Variants in DLG1 observed in about 807,000 individuals in gnomAD.
DLG1 encodes discs large MAGUK scaffold protein 1.
DLG1 carries 42 observed loss-of-function variants against 123.4 expected under a neutral mutation model. The observed-to-expected ratio is 0.34, with a 90% CI of 0.27 to 0.44. The LOEUF is 0.44. Among genes scored for constraint, DLG1 ranks in the 20% least tolerant of loss-of-function variants. The pLI is 1.00. For synonymous variants in DLG1, 317 were observed against 356.2 expected (o/e 0.89, Z 1.24); for missense variants, 942 against 1,082.6 (o/e 0.87, Z 1.82).
rs1347981674 is a variant in DLG1 at position 197,084,335 on chromosome 3, A to T, written c.1838+1245T>A. 2.7e-5 allele frequency among the ~76,000 whole-genome samples: 4 copies of T among 149,674 alleles called. No individual in the cohort carries two copies. In the East Asian group the frequency reaches 5.9e-4, roughly 22 times the overall value. Reference sequence around the variant, plus strand: ...TTTGTTGTTTTTTTTTTTTTGAGTCAGAGTCTTGCTCTGTCGCCGAGGCTG... The same window carrying T: ...TTTGTTGTTTTTTTTTTTTTGAGTCTGAGTCTTGCTCTGTCGCCGAGGCTG... On this transcript the variant is annotated intron_variant, in intron 16 of 24. Coordinates refer to ENST00000667157, the MANE Select transcript of DLG1 (RefSeq NM_001366207.1).
chr3:197,156,895 CATATGAT>C (rs1252700231), intron 5 of DLG1, among the ~76,000 whole-genome samples: 1 of 152,130 alleles, frequency 6.6e-6, no homozygotes, highest in Non-Finnish European at 1.5e-5. Context: ...AACAACCAGA[CATATGAT>C]AAGTAAGGAA....
chr3:197,051,022 C>T (rs536094006), intron 24 of DLG1, among the ~76,000 whole-genome samples: 9 of 152,166 alleles, frequency 5.9e-5, no homozygotes, highest in African/African-American at 1.7e-4. Context: ...TTTCTCTGGT[C>T]AAGTATGAAT....
At chr3:197,121,439 T>C (rs1038917829) in intron 11 of DLG1, among the ~76,000 whole-genome samples, 10 of 152,100 alleles carry the variant, frequency 6.6e-5, no homozygotes, top group African/African-American at 2.4e-4. Context: ...GGGAAAAGAC[T>C]GGTGTCCAAA....
intron 24 of DLG1, among the ~76,000 whole-genome samples, chr3:197,049,133 ACCCTGTAAC>A (rs1395455818): frequency 1.7e-3 from 2 of 1,176 alleles, no homozygotes; most frequent in Admixed American, 0.019. Flanking sequence ...AGCACGGCCA[ACCCTGTAAC>A]CCTGTCTCTA....
chr3:197,061,290 TAAAC>T (rs1252233497), intron 22 of DLG1, among the ~76,000 whole-genome samples: 1 of 152,364 alleles, frequency 6.6e-6, no homozygotes, highest in African/African-American at 2.4e-5. Flanking sequence ...CATGATCGCT[TAAAC>T]ATTTTAATAA....
At position 197,065,582 on chromosome 3, in the gene DLG1, G is replaced by C. The variant is rs149155369; in HGVS notation, c.2200+126C>G. On this transcript the variant is annotated intron_variant, in intron 21 of 24. Coordinates refer to ENST00000667157, the MANE Select transcript of DLG1 (RefSeq NM_001366207.1). Reference sequence around the variant, plus strand: ...AAATCTGAGAAAGGACAATAATATGGAGGATGGAAGAGTAACTGATAAAAT... The same window carrying C: ...AAATCTGAGAAAGGACAATAATATGCAGGATGGAAGAGTAACTGATAAAAT... 6.3e-4 allele frequency: 618 copies of C among 982,434 alleles called. 4 individuals are homozygous for C. The African/African-American group carries it at 9.3e-3, about 15-fold the overall frequency. 60.9% of individuals were successfully genotyped at this position (982,434 alleles called of 1,614,324 possible).
intron 4 of DLG1, among the ~76,000 whole-genome samples, chr3:197,197,671 G>A (rs752302761): frequency 3.9e-5 from 6 of 152,302 alleles, no homozygotes; most frequent in East Asian, 1.9e-4. Context: ...ACGGAATTGC[G>A]AGGAACACAG....
At chr3:197,098,746 G>A (rs1761977198) in intron 14 of DLG1, among the ~76,000 whole-genome samples, 1 of 152,100 alleles carries the variant, frequency 6.6e-6, no homozygotes, top group Non-Finnish European at 1.5e-5. Context: ...TGGCCAGGCT[G>A]GTCTTGAACT....
chr3:197,044,836 C>T lies in DLG1; in HGVS notation c.2576-107G>A, dbSNP rs565270146. 1.2e-5 allele frequency: 7 copies of T among 592,272 alleles called. No individual in the cohort carries two copies. The South Asian group carries it at 2.5e-4, about 21-fold the overall frequency. The allele number at this position is 592,272 out of a possible 1,614,324, so 36.7% of individuals were successfully genotyped here. Reference sequence around the variant, plus strand: ...TAGTATCTTTGAAAAAGTTACTCATCCAGGAAGAATCACCATTTACACACT... The same window carrying T: ...TAGTATCTTTGAAAAAGTTACTCATTCAGGAAGAATCACCATTTACACACT... On this transcript the variant is annotated intron_variant, in intron 24 of 24. Transcript: ENST00000667157.
Position 197,138,212 on chromosome 3 carries a change from T to C in DLG1, c.883+10A>G. On this transcript the variant is annotated intron_variant, in intron 9 of 24. Transcript: ENST00000667157. ...CTTAAAGATTTATCTTAGTTTGACT[T>C]ACCACATACCTTTAGGACCTTTAAT... 6.7e-7 allele frequency: 1 copy of C among 1,491,694 alleles called. No homozygotes were observed. The highest frequency in any genetic ancestry group is 1.8e-4 in the Middle Eastern group (1 of 5,546). 92.4% of individuals were successfully genotyped at this position (1,491,694 alleles called of 1,614,324 possible). A position where few individuals can be genotyped will look rare whatever the true frequency, so the allele number is the denominator to read the frequency against.
chr3:197,173,384 T>C (rs1007658605), intron 5 of DLG1, among the ~76,000 whole-genome samples: 1 of 152,168 alleles, frequency 6.6e-6, no homozygotes, highest in Admixed American at 6.5e-5. Flanking sequence ...TCATTAAATT[T>C]TGAAAAAGAT....
chr3:197,128,521 C>A (rs1002975355), intron 11 of DLG1, among the ~76,000 whole-genome samples: 2 of 152,200 alleles, frequency 1.3e-5, no homozygotes, highest in African/African-American at 4.8e-5. Flanking sequence ...CCTGTTAATG[C>A]TGATATTGTG....
chr3:197,119,258 T>C, intron 12 of DLG1, 152 bp downstream of exon 12: 1 of 392,368 alleles, frequency 2.5e-6, no homozygotes, highest in Admixed American at 4.4e-5. Flanking sequence ...GGCTCTTCAA[T>C]GAATCCTCCT....
chr3:197,115,329 T>C (rs1489204199), intron 13 of DLG1, among the ~76,000 whole-genome samples: 1 of 151,402 alleles, frequency 6.6e-6, no homozygotes, highest in Admixed American at 6.6e-5. Context: ...AGCACACAAA[T>C]TGAAAGTAAG....
chr3:197,151,343 C>A (rs572508775), intron 5 of DLG1, among the ~76,000 whole-genome samples: 1 of 152,238 alleles, frequency 6.6e-6, no homozygotes, highest in Admixed American at 6.5e-5. Flanking sequence ...TGGTTTTTAT[C>A]AAAATCTAAT....
chr3:197,062,537 G>T (rs1480526196), intron 22 of DLG1, among the ~76,000 whole-genome samples: 2 of 152,022 alleles, frequency 1.3e-5, no homozygotes, highest in Non-Finnish European at 2.9e-5. Flanking sequence ...TTGGCCAGTG[G>T]GGGACCCTAC....
intron 4 of DLG1, among the ~76,000 whole-genome samples, chr3:197,273,862 A>AAAAC (rs1041523102): frequency 2.0e-5 from 3 of 150,602 alleles, no homozygotes; most frequent in African/African-American, 7.3e-5. Flanking sequence ...AAAAAAAAAA[A>AAAAC]AAACCAAAAC....
At chr3:197,223,846 AC>A (rs1738402480) in intron 4 of DLG1, among the ~76,000 whole-genome samples, 1 of 152,230 alleles carries the variant, frequency 6.6e-6, no homozygotes, top group South Asian at 2.1e-4. Flanking sequence ...CAGTTTCACC[AC>A]AAAGCCTTAA....
chr3:197,178,323 A>T (rs1253400665), intron 5 of DLG1, among the ~76,000 whole-genome samples: 1 of 152,172 alleles, frequency 6.6e-6, no homozygotes, highest in African/African-American at 2.4e-5. Context: ...TTGGCATCAG[A>T]CTGGATACGG....
Sources: allele counts gnomAD v4.1 joint callset (sites outside exome capture counted in the v4.1 genomes callset), GRCh38; gene constraint gnomAD v4.1.1; transcripts MANE v1.5; gene names NCBI Gene and HGNC (gene_info 2026-07-23, HGNC 2026-07-21).